GALNT13: variants seen among roughly 807,000 people sequenced by gnomAD.
GALNT13 encodes UDP-GalNAc:polypeptide N-acetylgalactosaminyltransferase 13.
In GALNT13, 28 loss-of-function variants were observed where a neutral mutation model predicts 64.2. The ratio of observed to expected loss-of-function variants is 0.44; its 90% CI spans 0.32 to 0.60. The LOEUF (loss-of-function observed/expected upper bound fraction) is 0.60. Among genes scored for constraint, GALNT13 ranks in the 20% least tolerant of loss-of-function variants. The pLI is 0.05. For synonymous variants in GALNT13, 214 were observed against 224.6 expected, an observed-to-expected ratio of 0.95 and a Z score of 0.42; for missense variants, 577 against 669.8, an observed-to-expected ratio of 0.86 and a Z score of 1.53.
chr2:154,179,170 T>A (rs372648133), intron 4 of GALNT13, among the ~76,000 whole-genome samples: 6 of 152,200 alleles, frequency 3.9e-5, no homozygotes, highest in African/African-American at 1.4e-4. Flanking sequence ...GTATGTTAAG[T>A]AGTAACCATT....
the GALNT13 span, among the ~76,000 whole-genome samples, chr2:153,539,664 G>T: frequency 2.0e-5 from 3 of 151,396 alleles, no homozygotes; most frequent in Admixed American, 6.6e-5. Context: ...TTTCCCCATT[G>T]CTTGTTTTTC....
intron 3 of GALNT13, among the ~76,000 whole-genome samples, chr2:154,034,212 G>A (rs1035068333): frequency 2.0e-5 from 3 of 152,200 alleles, no homozygotes; most frequent in Non-Finnish European, 4.4e-5. Context: ...AAAATTGGAA[G>A]CAATTAACAT....
chr2:153,221,244 G>A, the GALNT13 span, among the ~76,000 whole-genome samples: 1 of 152,092 alleles, frequency 6.6e-6, no homozygotes, highest in Non-Finnish European at 1.5e-5. Flanking sequence ...TTGCGCCACT[G>A]CACTCCAGTC....
At chr2:154,418,605 A>C (rs1700126856) in intron 11 of GALNT13, among the ~76,000 whole-genome samples, 1 of 152,024 alleles carries the variant, frequency 6.6e-6, no homozygotes, top group African/African-American at 2.4e-5. Flanking sequence ...GGCCCTGCTG[A>C]TACCTGATTC....
intron 3 of GALNT13, among the ~76,000 whole-genome samples, chr2:154,124,575 A>C (rs1682145947): frequency 6.6e-6 from 1 of 152,046 alleles, no homozygotes; most frequent in African/African-American, 2.4e-5. Flanking sequence ...TCTAACCAAG[A>C]AAAGTCATGG....
At chr2:153,765,377 T>G in the GALNT13 span, among the ~76,000 whole-genome samples, 1 of 152,230 alleles carries the variant, frequency 6.6e-6, no homozygotes, top group African/African-American at 2.4e-5. Flanking sequence ...TAGATCATTT[T>G]GGAACTTTAA....
chr2:153,685,058 G>A, the GALNT13 span, among the ~76,000 whole-genome samples: 2 of 151,450 alleles, frequency 1.3e-5, no homozygotes, highest in Non-Finnish European at 3.0e-5. Flanking sequence ...TATCATTACT[G>A]GGCTATCATT....
the GALNT13 span, among the ~76,000 whole-genome samples, chr2:153,518,338 A>G: frequency 2.0e-4 from 31 of 152,272 alleles, no homozygotes; most frequent in African/African-American, 6.7e-4. Flanking sequence ...AGGACCATGT[A>G]TATTTGTTCA....
At chr2:153,255,921 T>C in the GALNT13 span, among the ~76,000 whole-genome samples, 2 of 152,214 alleles carry the variant, frequency 1.3e-5, no homozygotes, top group African/African-American at 2.4e-5. Flanking sequence ...ATTTCAACTT[T>C]GGTGAATCTG....
At chr2:154,057,498 A>G (rs1699953545) in intron 3 of GALNT13, among the ~76,000 whole-genome samples, 1 of 152,186 alleles carries the variant, frequency 6.6e-6, no homozygotes, top group African/African-American at 2.4e-5. Context: ...TGGGGAAACT[A>G]AGGTGAATAT....
chr2:153,092,636 A>G, the GALNT13 span, among the ~76,000 whole-genome samples: 5 of 152,116 alleles, frequency 3.3e-5, no homozygotes, highest in African/African-American at 1.2e-4. Flanking sequence ...TTCTCATGTT[A>G]TTCACTGTTG....
chr2:153,567,531 C>A, the GALNT13 span, among the ~76,000 whole-genome samples: 16 of 152,260 alleles, frequency 1.1e-4, no homozygotes, highest in African/African-American at 3.1e-4. Context: ...GAACAACTGG[C>A]CATTGTCCAG....
At chr2:153,246,529 T>G in the GALNT13 span, among the ~76,000 whole-genome samples, 1 of 152,202 alleles carries the variant, frequency 6.6e-6, no homozygotes, top group Non-Finnish European at 1.5e-5. Flanking sequence ...CAACCCAGAA[T>G]TTCATATCCA....
chr2:153,155,165 C>T, the GALNT13 span, among the ~76,000 whole-genome samples: 1 of 152,122 alleles, frequency 6.6e-6, no homozygotes. Context: ...CAGTGTTCAT[C>T]AAGGATATTG....
intron 4 of GALNT13, among the ~76,000 whole-genome samples, chr2:154,199,450 A>G (rs1687055112): frequency 6.6e-6 from 1 of 152,086 alleles, no homozygotes; most frequent in African/African-American, 2.4e-5. Context: ...AACAGAGCAC[A>G]AAATGGGTAC....
the GALNT13 span, among the ~76,000 whole-genome samples, chr2:153,401,828 G>T: frequency 6.6e-6 from 1 of 151,920 alleles, no homozygotes; most frequent in East Asian, 1.9e-4. Context: ...GTCTCTGCAC[G>T]TGAGATGGGT....
At chr2:153,140,980 C>T in the GALNT13 span, among the ~76,000 whole-genome samples, 2 of 151,928 alleles carry the variant, frequency 1.3e-5, no homozygotes, top group Non-Finnish European at 2.9e-5. Flanking sequence ...ATTTCATCAG[C>T]TCCCCCAAAA....
chr2:154,427,261 T>G (rs1466305389), intron 11 of GALNT13, among the ~76,000 whole-genome samples: 1 of 152,162 alleles, frequency 6.6e-6, no homozygotes, highest in African/African-American at 2.4e-5. Flanking sequence ...CTCTCAAGCT[T>G]AGGTTTGTGT....
chr2:154,325,449 C>G (rs1377650100), intron 9 of GALNT13, among the ~76,000 whole-genome samples: 1 of 152,070 alleles, frequency 6.6e-6, no homozygotes, highest in Non-Finnish European at 1.5e-5. Context: ...TGAGGTGAGG[C>G]CTTGGAATGG....
Sources: gnomAD v4.1 joint callset for allele counts (sites outside exome capture counted in the v4.1 genomes callset) on GRCh38, gnomAD v4.1.1 for gene constraint, MANE v1.5 for transcripts, NCBI Gene and HGNC (gene_info 2026-07-23, HGNC 2026-07-21) for gene names.